Variants in DSCAM observed in about 807,000 individuals in gnomAD.
The protein encoded by DSCAM is DS cell adhesion molecule.
In DSCAM, 47 loss-of-function variants were observed where a neutral mutation model predicts 217.7. That is an observed-to-expected ratio of 0.22 (90% confidence interval 0.17 to 0.28). The LOEUF is 0.28. DSCAM is among the 10% of genes least tolerant of loss of function. The probability of loss-of-function intolerance (pLI) is 1.00; values close to 1 mark genes in which losing one functional copy is unlikely to be tolerated. For missense variants in DSCAM, 2,080 were observed against 2,618.3 expected, an observed-to-expected ratio of 0.79 and a Z score of 4.49; for synonymous variants, 1,056 against 1,015.3, an observed-to-expected ratio of 1.04 and a Z score of -0.76.
intron 3 of DSCAM, among the ~76,000 whole-genome samples, chr21:40,686,315 A>G (rs923519660): frequency 1.3e-5 from 2 of 150,722 alleles, no homozygotes; most frequent in Non-Finnish European, 3.0e-5. Flanking sequence ...GCACACACAC[A>G]CACCACATAT....
At chr21:40,843,466 C>A (rs1210469005) in intron 1 of DSCAM, among the ~76,000 whole-genome samples, 1 of 151,850 alleles carries the variant, frequency 6.6e-6, no homozygotes, top group Non-Finnish European at 1.5e-5. Flanking sequence ...AAATCTAATT[C>A]TTCATCATTC....
At chr21:40,122,648 A>G (rs2090047434) in intron 20 of DSCAM, among the ~76,000 whole-genome samples, 1 of 152,178 alleles carries the variant, frequency 6.6e-6, no homozygotes, top group South Asian at 2.1e-4. Flanking sequence ...GGATTCAGTA[A>G]GTGAGGATTA....
At chr21:40,604,369 CT>C (rs928196313) in intron 3 of DSCAM, among the ~76,000 whole-genome samples, 1 of 152,146 alleles carries the variant, frequency 6.6e-6, no homozygotes, top group Non-Finnish European at 1.5e-5. Context: ...AACCCTAATT[CT>C]GTTAATCATA....
chr21:40,746,097 A>G lies in DSCAM; in HGVS notation c.44-37326T>C, dbSNP rs577515966. Reference sequence around the variant, plus strand: ...CATGAAATCAAAACATACTACTAGAAAAAAAAAATCTCTCAAGGAAAACAA... The same window carrying G: ...CATGAAATCAAAACATACTACTAGAGAAAAAAAATCTCTCAAGGAAAACAA... On this transcript the variant is annotated intron_variant, in intron 1 of 32. Coordinates refer to ENST00000400454, the MANE Select transcript of DSCAM (RefSeq NM_001389.5). 2.5e-4 allele frequency among the ~76,000 whole-genome samples: 38 copies of G among 151,350 alleles called. No homozygotes were observed. In the South Asian group the frequency reaches 7.1e-3, roughly 28 times the overall value.
At chr21:40,018,518 G>A (rs1003044070) in intron 32 of DSCAM, among the ~76,000 whole-genome samples, 1 of 152,144 alleles carries the variant, frequency 6.6e-6, no homozygotes, top group African/African-American at 2.4e-5. Flanking sequence ...TTTGTAATGT[G>A]TTGCAACAGA....
Position 40,436,193 on chromosome 21 carries a change from T to C in DSCAM, c.509-66948A>G, listed in dbSNP as rs376881422. On this transcript the variant is annotated intron_variant, in intron 3 of 32. Coordinates refer to ENST00000400454, the MANE Select transcript of DSCAM (RefSeq NM_001389.5). ...TCTGTACTGTGGAATATTTTTAACA[T>C]ACTTTTGTGCCAATTAAATTAAAGT... Among the ~76,000 whole-genome samples, 23 of 152,356 alleles carry C rather than the reference T, an allele frequency of 1.5e-4. No individual in the cohort carries two copies. In the South Asian group the frequency reaches 3.7e-3, roughly 25 times the overall value.
intron 3 of DSCAM, among the ~76,000 whole-genome samples, chr21:40,378,604 T>A (rs1162118266): frequency 1.6e-5 from 1 of 62,404 alleles, no homozygotes; most frequent in African/African-American, 7.0e-5. Flanking sequence ...TTTTTTTTTT[T>A]TTTTTGAGAC....
At chr21:40,415,557 A>G (rs1230030513) in intron 3 of DSCAM, among the ~76,000 whole-genome samples, 1 of 152,254 alleles carries the variant, frequency 6.6e-6, no homozygotes, top group East Asian at 1.9e-4. Flanking sequence ...TTGTGATAAT[A>G]CTGGAAGAGA....
Position 40,189,179 on chromosome 21 carries a change from C to G in DSCAM, c.2416G>C (p.Glu806Gln). The change falls in exon 12 of 33, where the codon GAG (glutamate) becomes CAG (glutamine). Residue 806 changes from glutamate (E) to glutamine (Q), a missense_variant. Coordinates refer to ENST00000400454, the MANE Select transcript of DSCAM (RefSeq NM_001389.5). ...TCACCATGCGCCGTGCAGCTCATCT[C>G]CTTTTTCTGCCCCTGCGTGGCCAGG... ...TTLATQGQKKEMSCTAHGEKP... is the reference protein window; with the variant it reads ...TTLATQGQKKQMSCTAHGEKP... 6.2e-7 allele frequency: 1 copy of G among 1,613,320 alleles called. No homozygotes were observed. The highest frequency in any genetic ancestry group is 8.5e-7 in the Non-Finnish European group (1 of 1,179,820).
At chr21:40,711,483 C>A (rs1186773163) in intron 1 of DSCAM, among the ~76,000 whole-genome samples, 3 of 152,202 alleles carry the variant, frequency 2.0e-5, no homozygotes, top group Non-Finnish European at 4.4e-5. Context: ...GGAAGCACAG[C>A]ATCCAAGCAT....
chr21:40,717,121 G>A (rs966654416), intron 1 of DSCAM, among the ~76,000 whole-genome samples: 16 of 152,324 alleles, frequency 1.1e-4, no homozygotes, highest in South Asian at 2.1e-4. Flanking sequence ...AGTGTTGCAC[G>A]ATTAGGAGAG....
In DSCAM at chr21:40,438,544, G is replaced by A. The variant is rs150856876; in HGVS notation, c.509-69299C>T. 3.1e-3 allele frequency among the ~76,000 whole-genome samples: 478 copies of A among 152,228 alleles called. 1 individual carries two copies. Among genetic ancestry groups the A allele is most frequent in the Non-Finnish European group, 5.1e-3 (345 of 68,020 alleles). ...AAATTGAATCTTGCAATCATAGCAC[G>A]GCCTTGGCCAACCTCAAGGTCCAAG... is the stretch of plus-strand genomic sequence containing the variant. On this transcript the variant is annotated intron_variant, in intron 3 of 32. Coordinates refer to ENST00000400454, the MANE Select transcript of DSCAM (RefSeq NM_001389.5).
intron 8 of DSCAM, among the ~76,000 whole-genome samples, chr21:40,331,326 C>T (rs2074375954): frequency 6.6e-6 from 1 of 152,176 alleles, no homozygotes; most frequent in African/African-American, 2.4e-5. Flanking sequence ...AGCTGTCCCT[C>T]CACCTAGGCG....
intron 3 of DSCAM, among the ~76,000 whole-genome samples, 169 bp downstream of exon 3, chr21:40,692,641 A>T (rs535493582): frequency 2.6e-5 from 4 of 152,240 alleles, no homozygotes; most frequent in African/African-American, 9.6e-5. Context: ...AAGCCATTAT[A>T]AGCCAATACA....
At chr21:40,450,978 C>T (rs1234822288) in intron 3 of DSCAM, among the ~76,000 whole-genome samples, 1 of 152,202 alleles carries the variant, frequency 6.6e-6, no homozygotes, top group Non-Finnish European at 1.5e-5. Flanking sequence ...GCATTCTGGC[C>T]AGTTGGCTGG....
At chr21:40,432,354 G>T (rs1166458025) in intron 3 of DSCAM, among the ~76,000 whole-genome samples, 1 of 152,064 alleles carries the variant, frequency 6.6e-6, no homozygotes, top group Non-Finnish European at 1.5e-5. Context: ...AGAGGCTGCG[G>T]TGTTTCTCAG....
chr21:40,754,529 A>C (rs965329238), intron 1 of DSCAM, among the ~76,000 whole-genome samples: 9 of 152,226 alleles, frequency 5.9e-5, no homozygotes. Flanking sequence ...ACTGAGAACC[A>C]GAGCAGGACC....
intron 3 of DSCAM, among the ~76,000 whole-genome samples, chr21:40,419,072 G>A (rs1340656200): frequency 2.0e-5 from 3 of 151,846 alleles, no homozygotes; most frequent in Non-Finnish European, 2.9e-5. Flanking sequence ...CCGGGTTCAC[G>A]CCATTCTCCT....
At chr21:40,448,247 C>T (rs1478933129) in intron 3 of DSCAM, among the ~76,000 whole-genome samples, 1 of 152,172 alleles carries the variant, frequency 6.6e-6, no homozygotes, top group Non-Finnish European at 1.5e-5. Flanking sequence ...AGATGGCCCT[C>T]AGCAACGTAG....
Sources: gnomAD v4.1 joint callset for allele counts (sites outside exome capture counted in the v4.1 genomes callset) on GRCh38, gnomAD v4.1.1 for gene constraint, MANE v1.5 for transcripts, NCBI Gene and HGNC (gene_info 2026-07-23, HGNC 2026-07-21) for gene names.